Variants in FAM91A1 observed in about 807,000 individuals in gnomAD.
FAM91A1 encodes protein FAM91A1.
FAM91A1 carries 41 observed loss-of-function variants against 113.5 expected under a neutral mutation model. That is an observed-to-expected ratio of 0.36 (90% CI 0.28 to 0.47). FAM91A1 has a LOEUF of 0.47. Ranked by LOEUF, FAM91A1 falls within the 20% of genes least tolerant of loss-of-function variation. The pLI, the probability that FAM91A1 is intolerant of heterozygous loss-of-function variation, is 1.00. For missense variants in FAM91A1, 696 were observed against 1,001.2 expected, an observed-to-expected ratio of 0.70 and a Z score of 4.11; for synonymous variants, 307 against 347.9, an observed-to-expected ratio of 0.88 and a Z score of 1.31.
Position 123,775,111 on chromosome 8 carries a change from C to T in FAM91A1, c.158-36C>T, listed in dbSNP as rs1183445069. On this transcript the variant is annotated intron_variant, in intron 2 of 23. Transcript: ENST00000334705. ...TAGTTAATATATAACTATAAGAAAC[C>T]TGAAAAAAACTGGAGAATTTCCCTC... 2.6e-6 allele frequency: 4 copies of T among 1,526,510 alleles called. No individual in the cohort carries two copies. The South Asian group carries it at 5.2e-5, about 20-fold the overall frequency. 94.6% of individuals were successfully genotyped at this position (1,526,510 alleles called of 1,614,324 possible). A position where few individuals can be genotyped will look rare whatever the true frequency, so the allele number is the denominator to read the frequency against.
At chr8:123,769,487 GT>G (rs1464150304) in intron 1 of FAM91A1, among the ~76,000 whole-genome samples, 15 of 152,180 alleles carry the variant, frequency 9.9e-5, no homozygotes, top group Admixed American at 7.2e-4. Flanking sequence ...GCTTTGTTTT[GT>G]TGGACTTTAT....
At chr8:123,793,930 T>G (rs1266649358) in intron 15 of FAM91A1, among the ~76,000 whole-genome samples, 2 of 152,206 alleles carry the variant, frequency 1.3e-5, no homozygotes, top group Non-Finnish European at 2.9e-5. Flanking sequence ...TCAAAAGGAT[T>G]AAGAATAAGA....
At chr8:123,786,633 A>C in intron 12 of FAM91A1, 23 bp downstream of exon 12, 1 of 1,562,154 alleles carries the variant, frequency 6.4e-7, no homozygotes, top group African/African-American at 1.4e-5. Context: ...TCAGTTTAAC[A>C]TAGAGTCTGT....
intron 20 of FAM91A1, among the ~76,000 whole-genome samples, chr8:123,807,431 G>C (rs570737777): frequency 8.0e-4 from 112 of 140,282 alleles, no homozygotes; most frequent in African/African-American, 2.9e-3. Flanking sequence ...ATTGCTTGAG[G>C]CTAGCAGTTT....
chr8:123,812,509 G>T lies in FAM91A1; in HGVS notation c.2332-10G>T. 1 of 1,565,410 alleles carries T rather than the reference G, an allele frequency of 6.4e-7. No homozygotes were observed. The highest frequency in any genetic ancestry group is 8.6e-7 in the Non-Finnish European group (1 of 1,161,332). On this transcript the variant is annotated splice_polypyrimidine_tract_variant and intron_variant, in intron 23 of 23. Transcript: ENST00000334705. The stretch of plus-strand genomic sequence containing the variant: ...TTGAATATCATTTCTCTTGTTTCTT[G>T]ATCTTTTAGGAAGGTGCTTCAATAT...
At chr8:123,807,842 T>C (rs1274698862) in intron 20 of FAM91A1, among the ~76,000 whole-genome samples, 1 of 152,216 alleles carries the variant, frequency 6.6e-6, no homozygotes, top group African/African-American at 2.4e-5. Context: ...TCTTCTGTGC[T>C]GAAAGATAAT....
At chr8:123,801,876 A>G (rs886242846) in intron 18 of FAM91A1, among the ~76,000 whole-genome samples, 6 of 151,004 alleles carry the variant, frequency 4.0e-5, no homozygotes, top group Non-Finnish European at 7.4e-5. Flanking sequence ...GTAGTTGTCC[A>G]GTTAGTGTTT....
Position 123,814,715 on chromosome 8 carries a change from G to A in FAM91A1, c.*2011G>A, listed in dbSNP as rs553208418. ...GACCTCTGGTCCTCTTAAGGAGGGA[G>A]AGTGCATTTTTAGAGCTTTTAGCAA... is the stretch of plus-strand genomic sequence containing the variant. On this transcript the variant is annotated 3_prime_UTR_variant, in exon 24 of 24. Transcript: ENST00000334705. 2.6e-5 allele frequency: 4 copies of A among 152,626 alleles called. No individual in the cohort carries two copies. The highest frequency in any genetic ancestry group is 4.4e-5 in the Non-Finnish European group (3 of 68,038). 9.5% of individuals were successfully genotyped at this position (152,626 alleles called of 1,614,324 possible). A position where few individuals can be genotyped will look rare whatever the true frequency, so the allele number is the denominator to read the frequency against.
intron 19 of FAM91A1, among the ~76,000 whole-genome samples, 199 bp from the exon 20 acceptor site, chr8:123,805,877 ATAAT>A (rs1288529222): frequency 6.6e-6 from 1 of 152,220 alleles, no homozygotes; most frequent in African/African-American, 2.4e-5. Context: ...TAAGATATAA[ATAAT>A]TTAGGCATGT....
At chr8:123,809,826 T>TACC (rs1325435807) in intron 22 of FAM91A1, among the ~76,000 whole-genome samples, 2 of 152,198 alleles carry the variant, frequency 1.3e-5, no homozygotes, top group Non-Finnish European at 2.9e-5. Flanking sequence ...CTTTAAAGAT[T>TACC]ACCACTATAA....
At chr8:123,774,996 A>G in intron 2 of FAM91A1, 151 bp from the exon 3 acceptor site, 1 of 724,314 alleles carries the variant, frequency 1.4e-6, no homozygotes, top group Non-Finnish European at 2.1e-6. Flanking sequence ...CATGTGATAT[A>G]TTTCTTTGTT....
intron 11 of FAM91A1, chr8:123,786,276 G>C: frequency 2.0e-6 from 1 of 501,278 alleles, no homozygotes; most frequent in Non-Finnish European, 3.6e-6. Flanking sequence ...ATAAAATCTT[G>C]AAGGGTTCTT....
intron 2 of FAM91A1, 75 bp from the exon 3 acceptor site, chr8:123,775,072 T>G: frequency 7.3e-7 from 1 of 1,370,428 alleles, no homozygotes; most frequent in Non-Finnish European, 9.7e-7. Flanking sequence ...TACTGTTGGT[T>G]TGTAAAGTGT....
intron 20 of FAM91A1, among the ~76,000 whole-genome samples, chr8:123,806,854 T>C (rs1210772576): frequency 6.6e-6 from 1 of 152,156 alleles, no homozygotes; most frequent in Non-Finnish European, 1.5e-5. Context: ...CTATCTCCAG[T>C]CTGTCCTACA....
At position 123,789,706 on chromosome 8, in the gene FAM91A1, C is replaced by G; in HGVS notation, c.1372C>G (p.Leu458Val). ...ACTGTTTCTGCGTCATAACAAAGAT[C>G]TAGTTGCGCAAACTGCACAGCCAGA... ...TILFLRHNKDLVAQTAQPDQP... is the reference protein window; with the variant it reads ...TILFLRHNKDVVAQTAQPDQP... Residue 458 changes from leucine to valine, a missense_variant, in exon 15 of 24, where the codon CTA becomes GTA. Coordinates refer to ENST00000334705, the MANE Select transcript of FAM91A1 (RefSeq NM_144963.4). 2 of 1,613,336 alleles carry G rather than the reference C, an allele frequency of 1.2e-6. No homozygotes were observed. The highest frequency in any genetic ancestry group is 2.2e-5 in the East Asian group (1 of 44,836).
At position 123,775,218 on chromosome 8, in the gene FAM91A1, C is replaced by T. The variant is rs749464157; in HGVS notation, c.229C>T (p.Leu77=). The T allele has an allele frequency of 7.4e-6, 12 of 1,613,810 alleles. No homozygotes were observed. Among genetic ancestry groups the T allele is most frequent in the African/African-American group, 2.7e-5 (2 of 74,918 alleles). ...AAAGTACAGCCGAGATCATCTCATGCTGTACCCTTACCATCTATCGGATAT... is the reference window on the plus strand; with the variant it reads ...AAAGTACAGCCGAGATCATCTCATGTTGTACCCTTACCATCTATCGGATAT... The part of the protein sequence containing the change: ...LLKYSRDHLM[L]YPYHLSDIMV... Residue 77 remains leucine, a synonymous_variant, in exon 3 of 24, where the codon CTG becomes TTG. Transcript: ENST00000334705.
At chr8:123,786,341 G>A (rs746565932) in intron 11 of FAM91A1, among the ~76,000 whole-genome samples, 154 bp from the exon 12 acceptor site, 1 of 152,202 alleles carries the variant, frequency 6.6e-6, no homozygotes, top group Non-Finnish European at 1.5e-5. Flanking sequence ...TTGTATGTAG[G>A]CAGAGCATTT....
chr8:123,780,641 C>T, intron 8 of FAM91A1, 99 bp downstream of exon 8: 1 of 931,684 alleles, frequency 1.1e-6, no homozygotes, highest in East Asian at 2.8e-5. Flanking sequence ...TAGGATATTT[C>T]AAGAAAAATA....
chr8:123,811,780 G>C lies in FAM91A1; in HGVS notation c.2332-739G>C, dbSNP rs191589319. ...TGGATGTTTGAGCATGGAGTCCTGG[G>C]GGGAGGTCTGTGCGGAATATATGAA... On this transcript the variant is annotated intron_variant, in intron 23 of 23. Coordinates refer to ENST00000334705, the MANE Select transcript of FAM91A1 (RefSeq NM_144963.4). 1.2e-4 allele frequency among the ~76,000 whole-genome samples: 19 copies of C among 152,262 alleles called. No homozygotes were observed. The East Asian group carries it at 3.1e-3, about 25-fold the overall frequency.
Sources: allele counts gnomAD v4.1 joint callset (sites outside exome capture counted in the v4.1 genomes callset), GRCh38; gene constraint gnomAD v4.1.1; transcripts MANE v1.5; gene names NCBI Gene and HGNC (gene_info 2026-07-23, HGNC 2026-07-21).